ALDH1A3: variants seen among roughly 807,000 people sequenced by gnomAD.
ALDH1A3 encodes the protein retinaldehyde dehydrogenase 3.
Under a neutral mutation model 57.5 loss-of-function variants are expected in ALDH1A3, and 28 were observed. That is an observed-to-expected ratio of 0.49 (90% CI 0.36 to 0.67). ALDH1A3 has a LOEUF of 0.67. Among genes scored for constraint, ALDH1A3 ranks in the 30% least tolerant of loss-of-function variants. The pLI is 0.00. For synonymous variants in ALDH1A3, 281 were observed against 264.8 expected (o/e 1.06, Z -0.59); for missense variants, 507 against 669.4 (o/e 0.76, Z 2.68).
chr15:100,902,448 G>T (rs890893914), intron 9 of ALDH1A3, among the ~76,000 whole-genome samples: 1 of 152,222 alleles, frequency 6.6e-6, no homozygotes, highest in African/African-American at 2.4e-5. Context: ...TGTCTAAATA[G>T]TCCTGTCTGT....
At chr15:100,895,908 A>G (rs778501083) in intron 6 of ALDH1A3, 25 bp from the exon 7 acceptor site, 1 of 1,581,262 alleles carries the variant, frequency 6.3e-7, no homozygotes, top group South Asian at 1.1e-5. Context: ...GTTCTTCTTC[A>G]AGTGCTATCT....
At position 100,909,079 on chromosome 15, in the gene ALDH1A3, G is replaced by A. The variant is rs1485456766; in HGVS notation, c.1466+597G>A. 7.7e-5 allele frequency among the ~76,000 whole-genome samples: 11 copies of A among 142,444 alleles called. No individual in the cohort carries two copies. In the East Asian group the frequency reaches 2.0e-3, roughly 26 times the overall value. The allele number at this position is 142,444 out of a possible 152,430, so 93.4% of individuals were successfully genotyped here. A position where few individuals can be genotyped will look rare whatever the true frequency, so the allele number is the denominator to read the frequency against. On this transcript the variant is annotated intron_variant, in intron 12 of 12. Coordinates refer to ENST00000329841, the MANE Select transcript of ALDH1A3 (RefSeq NM_000693.4). Reference sequence around the variant, plus strand: ...CAAACCCACTGCAAACCCTCCACGCGTGCATGTAAACCCACTGCAAACCCC... The same window carrying A: ...CAAACCCACTGCAAACCCTCCACGCATGCATGTAAACCCACTGCAAACCCC...
At chr15:100,898,989 G>A (rs560971333) in intron 8 of ALDH1A3, among the ~76,000 whole-genome samples, 15 of 152,310 alleles carry the variant, frequency 9.8e-5, no homozygotes, top group African/African-American at 3.6e-4. Context: ...TCCTGTCGTG[G>A]AGAACAAAGC....
At chr15:100,901,421 C>T (rs7178553) in intron 9 of ALDH1A3, among the ~76,000 whole-genome samples, 11 of 152,230 alleles carry the variant, frequency 7.2e-5, no homozygotes, top group African/African-American at 2.7e-4. Context: ...AGCAGTCACT[C>T]ACTTTGCTTT....
rs1331736036 is a variant in ALDH1A3, at chr15:100,887,092, G to A, written c.205-480G>A. Among the ~76,000 whole-genome samples the A allele has an allele frequency of 1.3e-5, 2 of 152,158 alleles. No homozygotes were observed. The highest frequency in any genetic ancestry group is 6.6e-5 in the Admixed American group (1 of 15,266). The stretch of plus-strand genomic sequence containing the variant: ...TTTTTATAATCAGAAACAAACATTG[G>A]TATTTGGCCACTGTAGAAATATTAA... On this transcript the variant is annotated intron_variant, in intron 2 of 12. Transcript: ENST00000329841. This position sits in a 1 kb window ranked among gnomAD's most constrained non-coding sequence, Gnocchi z 4.6.
chr15:100,912,496 T>A (rs922899282), intron 12 of ALDH1A3, among the ~76,000 whole-genome samples: 5 of 151,996 alleles, frequency 3.3e-5, no homozygotes, highest in South Asian at 2.1e-4. Context: ...CATTTGGGAG[T>A]TTTTAATGGA....
intron 9 of ALDH1A3, among the ~76,000 whole-genome samples, chr15:100,901,189 C>G (rs1311985047): frequency 6.6e-6 from 1 of 152,168 alleles, no homozygotes; most frequent in Non-Finnish European, 1.5e-5. Flanking sequence ...CGGAGAGAGC[C>G]TGGGGCAGGA....
rs767109721 is a variant in ALDH1A3 at position 100,898,146 on chromosome 15, G to T, written c.844G>T (p.Gly282Trp). The T allele has an allele frequency of 1.2e-6, 2 of 1,614,182 alleles. No homozygotes were observed. Among genetic ancestry groups the T allele is most frequent in the Admixed American group, 1.7e-5 (1 of 60,026 alleles). The change falls in exon 8 of 13, where the codon GGG becomes TGG. Residue 282 changes from glycine (G) to tryptophan (W), a missense_variant. This residue lies in a region of ALDH1A3 where 432 missense variants were observed against 608.4 expected (regional missense o/e 0.71). Transcript: ENST00000329841. ...SNLKRVTLEL[G>W]GKNPCIVCAD... The stretch of plus-strand genomic sequence containing the variant: ...TCTGAAGCGGGTGACGCTGGAGCTG[G>T]GGGGGAAGAACCCCTGCATCGTGTG...
intron 1 of ALDH1A3, among the ~76,000 whole-genome samples, chr15:100,882,558 G>A (rs112710477): frequency 6.6e-6 from 1 of 152,120 alleles, no homozygotes; most frequent in South Asian, 2.1e-4. Context: ...TGGAAGTTAC[G>A]GGAAATCGGC....
rs1304680089 is a variant in ALDH1A3, at chr15:100,887,937, C to T, written c.345+225C>T. On this transcript the variant is annotated intron_variant, in intron 3 of 12. Transcript: ENST00000329841. The surrounding 1 kb of genome is among the most constrained non-coding windows in gnomAD (Gnocchi z 4.6). The stretch of plus-strand genomic sequence containing the variant: ...ACTTTTGTCCTCTGCAGCTCAGCTT[C>T]TTGACCAAGTTGTTGTCTATAGGCA... Among the ~76,000 whole-genome samples, 3 of 152,158 alleles carry T rather than the reference C, an allele frequency of 2.0e-5. No individual in the cohort carries two copies. Among genetic ancestry groups the T allele is most frequent in the Non-Finnish European group, 4.4e-5 (3 of 68,026 alleles).
intron 9 of ALDH1A3, 140 bp downstream of exon 9, chr15:100,900,899 A>G (rs2041761009): frequency 4.2e-6 from 4 of 942,372 alleles, no homozygotes; most frequent in Non-Finnish European, 6.2e-6. Flanking sequence ...TTTCTTTAGA[A>G]ACTGATCAGA....
In ALDH1A3 at chr15:100,892,973, T is replaced by C. The variant is rs759075641; in HGVS notation, c.504T>C (p.His168=). Residue 168 remains histidine (H), a synonymous_variant, in exon 5 of 13, where the codon CAT becomes CAC. Transcript: ENST00000329841. ...ACAACGTCGTGTGCTTCACCAGGCATGAGCCCATTGGTGTCTGTGGGGCCA... is the reference window on the plus strand; with the variant it reads ...ACAACGTCGTGTGCTTCACCAGGCACGAGCCCATTGGTGTCTGTGGGGCCA... ...TDDNVVCFTR[H]EPIGVCGAIT... is the part of the protein sequence containing the mutation. The C allele has an allele frequency of 1.2e-6, 2 of 1,613,954 alleles. No individual in the cohort carries two copies. Among genetic ancestry groups the C allele is most frequent in the Non-Finnish European group, 1.7e-6 (2 of 1,179,828 alleles).
At chr15:100,888,285 G>T (rs937357842) in intron 3 of ALDH1A3, among the ~76,000 whole-genome samples, 1 of 151,942 alleles carries the variant, frequency 6.6e-6, no homozygotes, top group African/African-American at 2.4e-5. Flanking sequence ...TTGTAACAGA[G>T]ACAGGGTTTC....
At chr15:100,914,654 C>T (rs760156148) in intron 12 of ALDH1A3, 47 bp from the exon 13 acceptor site, 1 of 1,564,986 alleles carries the variant, frequency 6.4e-7, no homozygotes, top group Admixed American at 1.7e-5. Flanking sequence ...TACACAATGG[C>T]TAAGGGATGT....
intron 12 of ALDH1A3, among the ~76,000 whole-genome samples, chr15:100,912,152 T>C (rs1285620229): frequency 6.6e-6 from 1 of 152,210 alleles, no homozygotes; most frequent in Non-Finnish European, 1.5e-5. Flanking sequence ...TTACAAACCA[T>C]GCTGATGTAC....
In ALDH1A3 at chr15:100,894,021, T is replaced by C; in HGVS notation, c.605T>C (p.Val202Ala). Reference protein sequence around the residue: ...APALCCGNTMVLKPAEQTPLT... With the variant: ...APALCCGNTMALKPAEQTPLT... ...GCCCTCTGCTGTGGGAACACCATGG[T>C]CCTGAAGCCTGCGGAGCAGACACCT... The change falls in exon 6 of 13, where the codon GTC (valine) becomes GCC (alanine). Residue 202 changes from valine (V) to alanine (A), a missense_variant. Transcript: ENST00000329841. The surrounding 1 kb of genome is among the most constrained non-coding windows in gnomAD (Gnocchi z 4.5). 6.2e-7 allele frequency: 1 copy of C among 1,614,166 alleles called. No individual in the cohort carries two copies. Among genetic ancestry groups the C allele is most frequent in the Non-Finnish European group, 8.5e-7 (1 of 1,180,038 alleles).
In ALDH1A3 at chr15:100,887,234, T is replaced by C. The variant is rs117183276; in HGVS notation, c.205-338T>C. ...ACAATCTGCTGTTCTCTATAACTGA[T>C]GGCCGTGGTCCCAAACTGCAGTCAC... On this transcript the variant is annotated intron_variant, in intron 2 of 12. Transcript: ENST00000329841. The surrounding 1 kb of genome is among the most constrained non-coding windows in gnomAD (Gnocchi z 4.6). Among the ~76,000 whole-genome samples, 803 of 151,710 alleles carry C rather than the reference T, an allele frequency of 5.3e-3. 13 individuals are homozygous for C. Among genetic ancestry groups the C allele is most frequent in the East Asian group, 0.019 (100 of 5,132 alleles).
At position 100,889,560 on chromosome 15, in the gene ALDH1A3, C is replaced by G. The variant is rs576156980; in HGVS notation, c.345+1848C>G. Among the ~76,000 whole-genome samples the G allele has an allele frequency of 6.6e-6, 1 of 152,192 alleles. No individual in the cohort carries two copies. Among genetic ancestry groups the G allele is most frequent in the South Asian group, 2.1e-4 (1 of 4,832 alleles). On this transcript the variant is annotated intron_variant, in intron 3 of 12. Coordinates refer to ENST00000329841, the MANE Select transcript of ALDH1A3 (RefSeq NM_000693.4). The surrounding 1 kb of genome is among the most constrained non-coding windows in gnomAD (Gnocchi z 5.1). Reference sequence around the variant, plus strand: ...TTTCAAAAACATTTCTGTTTTCACCCGGCATGAGCTCATCGGTCGGCAATG... The same window carrying G: ...TTTCAAAAACATTTCTGTTTTCACCGGGCATGAGCTCATCGGTCGGCAATG...
intron 3 of ALDH1A3, chr15:100,892,011 G>A (rs4646664): frequency 0.011 from 1,773 of 163,328 alleles, 33 homozygotes; most frequent in African/African-American, 0.025. Flanking sequence ...CAGCCACACT[G>A]GCCAGCCTGG....
Sources: gnomAD v4.1 joint callset for allele counts (sites outside exome capture counted in the v4.1 genomes callset) on GRCh38, gnomAD v4.1.1 for gene constraint, gnomAD v4.1.1 regional missense constraint, Gnocchi (gnomAD v3.1) non-coding constraint, MANE v1.5 for transcripts, NCBI Gene and HGNC (gene_info 2026-07-23, HGNC 2026-07-21) for gene names.